VPS33A: variants seen among roughly 807,000 people sequenced by gnomAD.
VPS33A encodes VPS33A core subunit of CORVET and HOPS complexes.
VPS33A carries 32 observed loss-of-function variants against 71.8 expected under a neutral mutation model. The ratio of observed to expected loss-of-function variants is 0.45; its 90% CI spans 0.34 to 0.60. The LOEUF (loss-of-function observed/expected upper bound fraction) is 0.60, where lower values mean the gene tolerates loss of function less well. Ranked by LOEUF, VPS33A falls within the 20% of genes least tolerant of loss-of-function variation. The pLI is 0.02. For synonymous variants in VPS33A, 311 were observed against 292.7 expected (o/e 1.06, Z -0.64); for missense variants, 625 against 748.5 (o/e 0.84, Z 1.92).
chr12:122,243,024 C>G (rs1425833448), intron 7 of VPS33A, among the ~76,000 whole-genome samples: 1 of 152,096 alleles, frequency 6.6e-6, no homozygotes, highest in Non-Finnish European at 1.5e-5. Context: ...CCTGAATTAG[C>G]ACTTCTTTAA....
chr12:122,242,307 G>A, intron 8 of VPS33A, 75 bp downstream of exon 8: 2 of 1,563,356 alleles, frequency 1.3e-6, no homozygotes, highest in East Asian at 2.3e-5. Context: ...GCATTGTGGT[G>A]TTGATGACCT....
intron 4 of VPS33A, among the ~76,000 whole-genome samples, chr12:122,256,529 G>T (rs1437271362): frequency 6.6e-6 from 1 of 152,016 alleles, no homozygotes; most frequent in South Asian, 2.1e-4. Context: ...AGACGAGATT[G>T]TGCCACTGCA....
chr12:122,250,297 T>G, intron 5 of VPS33A: 1 of 432,892 alleles, frequency 2.3e-6, no homozygotes. Context: ...GCAGTAGTTA[T>G]GTTCTATGAA....
chr12:122,235,104 G>A (rs75471906), intron 11 of VPS33A, among the ~76,000 whole-genome samples: 5,596 of 151,486 alleles, frequency 0.037, 345 homozygotes, highest in African/African-American at 0.13. Context: ...ACAGCCCCTC[G>A]GACTAAAGGC....
intron 10 of VPS33A, among the ~76,000 whole-genome samples, chr12:122,237,497 T>C (rs1298503291): frequency 6.6e-6 from 1 of 151,766 alleles, no homozygotes; most frequent in Non-Finnish European, 1.5e-5. Context: ...AAGGAAGTAT[T>C]GTGAAGATGA....
intron 9 of VPS33A, 47 bp from the exon 10 acceptor site, chr12:122,238,771 ACACAC>A: frequency 5.2e-6 from 1 of 190,934 alleles, no homozygotes; most frequent in Admixed American, 1.1e-4. Context: ...ACATATACAT[ACACAC>A]ACACACACAC....
intron 6 of VPS33A, chr12:122,249,560 AG>A: frequency 5.1e-6 from 1 of 195,738 alleles, no homozygotes; most frequent in East Asian, 1.2e-4. Context: ...TCAACCACTG[AG>A]ATTGTTTGGA....
At chr12:122,250,247 C>A (rs1349815768) in intron 5 of VPS33A, 7 of 545,074 alleles carry the variant, frequency 1.3e-5, no homozygotes. Flanking sequence ...TGCCATTTGC[C>A]AATGAGGCAT....
chr12:122,254,103 C>T (rs530152417), intron 4 of VPS33A, among the ~76,000 whole-genome samples: 10 of 152,200 alleles, frequency 6.6e-5, no homozygotes, highest in African/African-American at 9.6e-5. Context: ...TTTATATATA[C>T]GCGTAAAGGC....
intron 1 of VPS33A, 116 bp downstream of exon 1, chr12:122,266,191 G>T: frequency 7.0e-7 from 1 of 1,426,680 alleles, no homozygotes; most frequent in Non-Finnish European, 9.3e-7. Context: ...CCTGAGGCTC[G>T]CCTCCTTGGA....
At position 122,242,430 on chromosome 12, in the gene VPS33A, A is replaced by G. The variant is rs1200850812; in HGVS notation, c.1048T>C (p.Ser350Pro). The G allele has an allele frequency of 1.2e-6, 2 of 1,614,058 alleles. No individual in the cohort carries two copies. Among genetic ancestry groups the G allele is most frequent in the African/African-American group, 1.3e-5 (1 of 74,940 alleles). Reference sequence around the variant, plus strand: ...GCAATTGAGGTATGGTTTGCAAGCGAGCCCCTTGCTGCCTGCATGTGGGGC... The same window carrying G: ...GCAATTGAGGTATGGTTTGCAAGCGGGCCCCTTGCTGCCTGCATGTGGGGC... ...QLPHMQAARG[S>P]LANHTSIAEL... is the part of the protein sequence containing the mutation. Residue 350 changes from serine to proline, a missense_variant, in exon 8 of 13, where the codon TCG becomes CCG. Ser to Pro is a moderately conservative substitution (Grantham distance 74). Transcript: ENST00000267199.
At chr12:122,262,990 TC>T (rs1379868672) in intron 3 of VPS33A, among the ~76,000 whole-genome samples, 3 of 142,458 alleles carry the variant, frequency 2.1e-5, no homozygotes, top group Admixed American at 6.8e-5. Flanking sequence ...CCAATTACAC[TC>T]TTTTTTTTTT....
rs1040842998 is a variant in VPS33A, at chr12:122,231,305, ACATAGAG to A, written c.*934_*940del. ...GGAACCTAAGGAGATGTAGCTGATC[ACATAGAG>A]CATAAACTTTGTTTCTGGGCAAGAA... On this transcript the variant is annotated 3_prime_UTR_variant, in exon 13 of 13. Coordinates refer to ENST00000267199, the MANE Select transcript of VPS33A (RefSeq NM_022916.6). 1 of 152,266 alleles carries A rather than the reference ACATAGAG, an allele frequency of 6.6e-6. No homozygotes were observed. The highest frequency in any genetic ancestry group is 2.4e-5 in the African/African-American group (1 of 41,464). 9.4% of individuals were successfully genotyped at this position (152,266 alleles called of 1,614,324 possible). A position where few individuals can be genotyped will look rare whatever the true frequency, so the allele number is the denominator to read the frequency against.
intron 4 of VPS33A, among the ~76,000 whole-genome samples, chr12:122,259,169 GTGT>G (rs1233716268): frequency 2.1e-5 from 3 of 142,666 alleles, no homozygotes; most frequent in Non-Finnish European, 3.0e-5. Context: ...CTAGGGGTGT[GTGT>G]GTGTGTATGT....
chr12:122,239,972 C>T (rs1432869258), intron 8 of VPS33A, 27 bp from the exon 9 acceptor site: 1 of 1,548,444 alleles, frequency 6.5e-7, no homozygotes, highest in Non-Finnish European at 8.9e-7. Flanking sequence ...AAATTTGCAA[C>T]TTAGAAATTA....
At position 122,232,411 on chromosome 12, in the gene VPS33A, G is replaced by GT; in HGVS notation, c.1625dup (p.Asn542LysfsTer16). 6.2e-7 allele frequency: 1 copy of GT among 1,612,410 alleles called. No individual in the cohort carries two copies. Among genetic ancestry groups the GT allele is most frequent in the Non-Finnish European group, 8.5e-7 (1 of 1,179,514 alleles). ...CAAGGAAAAATATCAGAGTCACTCG[G>GT]TTTTCTCCCGGTTGACCTAAAATTT... On this transcript the variant is annotated frameshift_variant, in exon 13 of 13. Transcript: ENST00000267199. LOFTEE classifies it high-confidence loss of function.
In VPS33A at chr12:122,238,996, T is replaced by TACAC. The variant is rs68026867; in HGVS notation, c.1165-276_1165-273dup. On this transcript the variant is annotated intron_variant, in intron 9 of 12. Transcript: ENST00000267199. ...CACACCCCACACACACATACATACA[T>TACAC]ACACACACACACACACACACACACA... Among the ~76,000 whole-genome samples, 668 of 137,170 alleles carry TACAC rather than the reference T, an allele frequency of 4.9e-3. 9 individuals are homozygous for TACAC. Among genetic ancestry groups the TACAC allele is most frequent in the African/African-American group, 0.016 (596 of 37,990 alleles). 90.0% of individuals were successfully genotyped at this position (137,170 alleles called of 152,430 possible).
intron 10 of VPS33A, among the ~76,000 whole-genome samples, chr12:122,237,467 T>C (rs1347744456): frequency 6.6e-6 from 1 of 152,084 alleles, no homozygotes; most frequent in African/African-American, 2.4e-5. Flanking sequence ...GTTGTTGTTG[T>C]TATGGTAACT....
At chr12:122,240,332 G>C (rs544433227) in intron 8 of VPS33A, among the ~76,000 whole-genome samples, 1 of 151,906 alleles carries the variant, frequency 6.6e-6, no homozygotes, top group South Asian at 2.1e-4. Context: ...TGTCTCAAAA[G>C]AAAAGAAACC....
Sources: gnomAD v4.1 joint callset for allele counts (sites outside exome capture counted in the v4.1 genomes callset) on GRCh38, gnomAD v4.1.1 for gene constraint, MANE v1.5 for transcripts, NCBI Gene and HGNC (gene_info 2026-07-23, HGNC 2026-07-21) for gene names.